BACC1: variants seen among roughly 807,000 people sequenced by gnomAD.
BACC1 encodes BPTF-associated chromatin complex component 1.
the BACC1 span, chr17:7,017,099 C>T: frequency 6.5e-7 from 1 of 1,528,606 alleles, no homozygotes; most frequent in Admixed American, 1.7e-5. Context: ...TCCGCAGGGG[C>T]CCCTCCCTTG....
At chr17:7,015,552 A>G in the BACC1 span, 5 of 1,420,710 alleles carry the variant, frequency 3.5e-6, no homozygotes, top group Non-Finnish European at 4.6e-6. Flanking sequence ...AGGGGTGTCT[A>G]AGGTGGAGGT....
chr17:7,015,396 A>G, the BACC1 span: 29 of 1,369,538 alleles, frequency 2.1e-5, no homozygotes, highest in Non-Finnish European at 2.6e-5. Flanking sequence ...GTCGACCACA[A>G]ACCACCGCCA....
chr17:7,014,934 C>A, the BACC1 span: 4 of 1,493,148 alleles, frequency 2.7e-6, no homozygotes, highest in Non-Finnish European at 2.7e-6. The surrounding 1 kb of genome is among the most constrained non-coding windows in gnomAD (Gnocchi z 4.5). Context: ...GCGGGCCCCC[C>A]ACTTGGCTCG....
At chr17:7,016,696 T>C in the BACC1 span, 7 of 1,604,270 alleles carry the variant, frequency 4.4e-6, no homozygotes, top group East Asian at 1.6e-4. Flanking sequence ...GTGAGGGCTG[T>C]GGAGTTGCTG....
At chr17:7,016,704 C>T in the BACC1 span, 3 of 1,601,658 alleles carry the variant, frequency 1.9e-6, no homozygotes, top group Non-Finnish European at 2.6e-6. Context: ...TGTGGAGTTG[C>T]TGCCTAGGGG....
chr17:7,015,172 C>A, the BACC1 span: 1 of 1,561,638 alleles, frequency 6.4e-7, no homozygotes, highest in South Asian at 1.2e-5. Flanking sequence ...TGAGCCCGGA[C>A]TGGGACGTGG....
At chr17:7,015,578 T>C in the BACC1 span, 1 of 1,415,046 alleles carries the variant, frequency 7.1e-7, no homozygotes, top group Non-Finnish European at 9.2e-7. Flanking sequence ...TGATTTCTTG[T>C]GATTGGGGTC....
At chr17:7,015,887 T>G in the BACC1 span, 1 of 1,610,858 alleles carries the variant, frequency 6.2e-7, no homozygotes, top group Non-Finnish European at 8.5e-7. Flanking sequence ...TGAGGGAGGG[T>G]GGCTGCCAGA....
chr17:7,016,496 G>A, the BACC1 span: 3 of 1,612,504 alleles, frequency 1.9e-6, no homozygotes, highest in Middle Eastern at 1.7e-4. Context: ...TTTCTTCAGG[G>A]CCCAGATAAA....
chr17:7,014,975 G>A, the BACC1 span: 5 of 1,435,340 alleles, frequency 3.5e-6, no homozygotes, highest in Middle Eastern at 4.5e-4. This position sits in a 1 kb window ranked among gnomAD's most constrained non-coding sequence, Gnocchi z 4.5. Flanking sequence ...GGGGGCGGGC[G>A]GGAGCCGAGC....
chr17:7,015,349 C>T, the BACC1 span: 2 of 1,372,648 alleles, frequency 1.5e-6, no homozygotes, highest in East Asian at 2.9e-5. Flanking sequence ...GCCCATAGCC[C>T]AGACTCCTGT....
chr17:7,015,760 T>C, the BACC1 span: 1 of 1,608,602 alleles, frequency 6.2e-7, no homozygotes, highest in Admixed American at 1.7e-5. Context: ...ATCCCCCCTC[T>C]CCCCTTCTGA....
chr17:7,017,346 G>A, the BACC1 span: 3 of 1,590,700 alleles, frequency 1.9e-6, no homozygotes, highest in South Asian at 3.3e-5. Flanking sequence ...ACCTCTCACT[G>A]TTCATGCCGG....
the BACC1 span, chr17:7,015,797 T>G: frequency 6.2e-7 from 1 of 1,613,650 alleles, no homozygotes; most frequent in Non-Finnish European, 8.5e-7. Context: ...GAGACGGAAA[T>G]AGAGATGCTG....
At chr17:7,015,399 C>G in the BACC1 span, 516 of 1,371,430 alleles carry the variant, frequency 3.8e-4, 3 homozygotes, top group South Asian at 8.8e-3. Context: ...GACCACAAAC[C>G]ACCGCCACTC....
the BACC1 span, chr17:7,015,932 C>A: frequency 6.9e-7 from 1 of 1,459,026 alleles, no homozygotes; most frequent in Non-Finnish European, 9.6e-7. Context: ...CCTCCTTACC[C>A]AAGGTTCCAT....
At chr17:7,016,725 C>T in the BACC1 span, 1 of 1,584,412 alleles carries the variant, frequency 6.3e-7, no homozygotes, top group South Asian at 1.1e-5. Flanking sequence ...TTAAAGGTCC[C>T]ATCTGAGGTT....
the BACC1 span, chr17:7,015,278 A>G: frequency 7.1e-7 from 1 of 1,409,844 alleles, no homozygotes; most frequent in Non-Finnish European, 9.2e-7. Context: ...CACAGCACAG[A>G]GTCGGTGTTA....
the BACC1 span, chr17:7,015,564 G>A: frequency 6.3e-6 from 9 of 1,424,172 alleles, no homozygotes; most frequent in Non-Finnish European, 7.3e-6. Flanking sequence ...GGTGGAGGTG[G>A]TTGTGATTTC....
Sources: allele counts gnomAD v4.1 joint callset, GRCh38; gene constraint gnomAD v4.1.1; non-coding constraint Gnocchi (gnomAD v3.1); transcripts MANE v1.5; gene names NCBI Gene and HGNC (gene_info 2026-07-23, HGNC 2026-07-21).